The following MBP variants were observed in gnomAD, a reference collection of about 807,000 sequenced individuals.
MBP encodes the protein myelin basic protein.
Under a neutral mutation model 35.8 loss-of-function variants are expected in MBP, and 16 were observed. The ratio of observed to expected loss-of-function variants is 0.45; its 90% CI spans 0.30 to 0.68. The LOEUF is 0.68. MBP is among the 30% of genes least tolerant of loss of function. The pLI is 0.08. For synonymous variants in MBP, 143 were observed against 159.6 expected, an observed-to-expected ratio of 0.90 and a Z score of 0.78; for missense variants, 380 against 404.7, an observed-to-expected ratio of 0.94 and a Z score of 0.52.
At chr18:77,078,648 G>C (rs921084744) in intron 2 of MBP, among the ~76,000 whole-genome samples, 2 of 152,262 alleles carry the variant, frequency 1.3e-5, no homozygotes, top group Non-Finnish European at 2.9e-5. Flanking sequence ...TGTCACATGA[G>C]GACTTGAGCT....
intron 1 of MBP, among the ~76,000 whole-genome samples, chr18:77,124,326 T>C (rs1176235518): frequency 5.3e-5 from 8 of 152,366 alleles, no homozygotes; most frequent in South Asian, 2.1e-4. Context: ...CTTCATTTTC[T>C]TTCTTGACCT....
intron 1 of MBP, chr18:77,114,331 A>G (rs1200857427): frequency 6.6e-6 from 1 of 152,192 alleles, no homozygotes; most frequent in African/African-American, 2.4e-5. Context: ...GACTTTGGAG[A>G]GAAAGCCATT....
At chr18:77,095,275 CCTA>C (rs1975710128) in intron 2 of MBP, 1 of 152,160 alleles carries the variant, frequency 6.6e-6, no homozygotes, top group Non-Finnish European at 1.5e-5. Flanking sequence ...GTCTTTAGCC[CCTA>C]CTTTTCAGTT....
chr18:76,984,819 T>G lies in MBP; in HGVS notation c.826A>C (p.Lys276Gln), dbSNP rs775430708. 6.2e-7 allele frequency: 1 copy of G among 1,614,106 alleles called. No homozygotes were observed. Among genetic ancestry groups the G allele is most frequent in the Non-Finnish European group, 8.5e-7 (1 of 1,180,032 alleles). ...AGCGTGCCCTGGGCATCGACTCCCT[T>G]GAATCCCTTGTGAGCCGATTTATAG... ...SDYKSAHKGFKGVDAQGTLSK... is the reference protein window; with the variant it reads ...SDYKSAHKGFQGVDAQGTLSK... Residue 276 changes from lysine (K) to glutamine (Q), a missense_variant, in exon 8 of 9, where the codon AAG (lysine) becomes CAG (glutamine). Physicochemically the swap from Lys to Gln is moderately conservative, Grantham distance 53. Transcript: ENST00000355994.
rs967031751 is a variant in MBP at position 76,980,324 on chromosome 18, A to G, written c.*103T>C. 2.8e-6 allele frequency: 3 copies of G among 1,057,140 alleles called. No homozygotes were observed. The allele number at this position is 1,057,140 out of a possible 1,614,324, so 65.5% of individuals were successfully genotyped here. A position where few individuals can be genotyped will look rare whatever the true frequency, so the allele number is the denominator to read the frequency against. ...TGCACAACTCCGCAGGCATTAGGGGAGGGGTCATCTGCTCTAATTAGGTAA... is the reference window on the plus strand; with the variant it reads ...TGCACAACTCCGCAGGCATTAGGGGGGGGGTCATCTGCTCTAATTAGGTAA... On this transcript the variant is annotated 3_prime_UTR_variant, in exon 9 of 9. Coordinates refer to ENST00000355994, the MANE Select transcript of MBP (RefSeq NM_001025101.2).
At chr18:77,033,887 C>G (rs1044441382) in intron 3 of MBP, among the ~76,000 whole-genome samples, 1 of 151,920 alleles carries the variant, frequency 6.6e-6, no homozygotes, top group African/African-American at 2.4e-5. Context: ...TCCACACATC[C>G]ACCCATCTGA....
chr18:76,999,105 T>C (rs112040608), intron 4 of MBP, among the ~76,000 whole-genome samples: 97 of 151,968 alleles, frequency 6.4e-4, no homozygotes, highest in African/African-American at 2.3e-3. Flanking sequence ...ACAGGTTACC[T>C]GTTCCTAGGT....
At chr18:77,069,938 C>T (rs1175493669) in intron 2 of MBP, among the ~76,000 whole-genome samples, 1 of 152,166 alleles carries the variant, frequency 6.6e-6, no homozygotes, top group Non-Finnish European at 1.5e-5. Context: ...CTAGGTCATA[C>T]AGGGACACAG....
At chr18:77,130,250 C>A (rs964592822) in intron 1 of MBP, among the ~76,000 whole-genome samples, 3 of 151,974 alleles carry the variant, frequency 2.0e-5, no homozygotes, top group Non-Finnish European at 2.9e-5. Flanking sequence ...AAAGGAGGAA[C>A]GAGGAGCACC....
chr18:77,070,997 C>T (rs537743441), intron 2 of MBP, among the ~76,000 whole-genome samples: 25 of 152,256 alleles, frequency 1.6e-4, no homozygotes, highest in East Asian at 1.5e-3. Context: ...ATGGCACACA[C>T]GCACACGCAC....
intron 4 of MBP, among the ~76,000 whole-genome samples, chr18:76,998,083 A>G (rs111977594): frequency 4.9e-4 from 75 of 152,346 alleles, no homozygotes; most frequent in African/African-American, 1.8e-3. Context: ...CACACATCAC[A>G]TTCGCACTGT....
At chr18:77,089,402 CAGAG>C (rs1039140211) in intron 2 of MBP, among the ~76,000 whole-genome samples, 3 of 152,196 alleles carry the variant, frequency 2.0e-5, no homozygotes, top group Non-Finnish European at 1.5e-5. Context: ...GGAGAGAAGA[CAGAG>C]AGCTACACAA....
chr18:77,009,133 G>A (rs1379649832), intron 4 of MBP, among the ~76,000 whole-genome samples: 7 of 152,244 alleles, frequency 4.6e-5, no homozygotes, highest in Non-Finnish European at 2.9e-5. Context: ...TGTGGTGACC[G>A]CTCCTAGTGT....
chr18:77,116,872 AAAAAC>A (rs1312887745), intron 1 of MBP, among the ~76,000 whole-genome samples: 4 of 151,906 alleles, frequency 2.6e-5, no homozygotes, highest in Non-Finnish European at 5.9e-5. Context: ...GTCTCAAAAA[AAAAAC>A]AAAACAAACA....
At chr18:77,010,034 A>G in intron 4 of MBP, 1 of 723,062 alleles carries the variant, frequency 1.4e-6, no homozygotes, top group Non-Finnish European at 2.4e-6. Context: ...AAGAGCCCAG[A>G]GTGAGGAGGA....
chr18:77,072,801 C>G (rs1974504722), intron 2 of MBP, among the ~76,000 whole-genome samples: 1 of 152,224 alleles, frequency 6.6e-6, no homozygotes, highest in African/African-American at 2.4e-5. Context: ...GTCAAGCTCC[C>G]TCCACCTCAG....
At chr18:77,037,169 G>T (rs1414306829) in intron 3 of MBP, among the ~76,000 whole-genome samples, 1 of 147,538 alleles carries the variant, frequency 6.8e-6, no homozygotes, top group South Asian at 2.1e-4. Context: ...TGGAGACAGA[G>T]CTGAGCAAGT....
intron 2 of MBP, among the ~76,000 whole-genome samples, chr18:77,070,756 C>A (rs12456480): frequency 6.6e-6 from 1 of 152,098 alleles, no homozygotes; most frequent in East Asian, 1.9e-4. Context: ...CACCCTCTCC[C>A]GCCACTGAAT....
chr18:77,084,431 C>CCA (rs60010988), intron 2 of MBP, among the ~76,000 whole-genome samples: 7,371 of 105,852 alleles, frequency 0.07, 506 homozygotes, highest in African/African-American at 0.13. Flanking sequence ...CCACACCACA[C>CCA]CACACACACA....
Sources: allele counts gnomAD v4.1 joint callset (sites outside exome capture counted in the v4.1 genomes callset), GRCh38; gene constraint gnomAD v4.1.1; transcripts MANE v1.5; gene names NCBI Gene and HGNC (gene_info 2026-07-23, HGNC 2026-07-21).